OGFOD3: variants seen among roughly 807,000 people sequenced by gnomAD.
The protein encoded by OGFOD3 is 2-oxoglutarate and iron-dependent oxygenase domain-containing protein 3.
Under a neutral mutation model 39.8 loss-of-function variants are expected in OGFOD3, and 35 were observed. The ratio of observed to expected loss-of-function variants is 0.88; its 90% CI spans 0.67 to 1.17. The LOEUF is 1.17. Ranked by LOEUF, OGFOD3 falls within the 50% of genes most tolerant of loss-of-function variation. The pLI, the probability that OGFOD3 is intolerant of heterozygous loss-of-function variation, is 0.00. For missense variants in OGFOD3, 438 were observed against 454.5 expected, an observed-to-expected ratio of 0.96 and a Z score of 0.33; for synonymous variants, 200 against 192.0, an observed-to-expected ratio of 1.04 and a Z score of -0.34.
Position 82,400,594 on chromosome 17 carries a change from C to T in OGFOD3, c.700-2275G>A, listed in dbSNP as rs527927998. ...AATTCAAGAAGGAACTCTGAGATCT[C>T]AGGACTGTGGTTACCTGTAGGTGAG... is the stretch of plus-strand genomic sequence containing the variant. On this transcript the variant is annotated intron_variant, in intron 7 of 8. Coordinates refer to ENST00000313056, the MANE Select transcript of OGFOD3 (RefSeq NM_024648.3). 11 of 152,236 alleles carry T rather than the reference C, an allele frequency of 7.2e-5. No individual in the cohort carries two copies. In the East Asian group the frequency reaches 2.1e-3, roughly 29 times the overall value. 9.4% of individuals were successfully genotyped at this position (152,236 alleles called of 1,614,324 possible). A position where few individuals can be genotyped will look rare whatever the true frequency, so the allele number is the denominator to read the frequency against.
intron 4 of OGFOD3, among the ~76,000 whole-genome samples, chr17:82,407,798 C>T (rs2052878547): frequency 6.6e-6 from 1 of 152,216 alleles, no homozygotes; most frequent in African/African-American, 2.4e-5. Flanking sequence ...TACTCACTCA[C>T]AGATCTTTAA....
At chr17:82,408,957 T>G (rs148749707) in intron 4 of OGFOD3, among the ~76,000 whole-genome samples, 1 of 152,196 alleles carries the variant, frequency 6.6e-6, no homozygotes, top group African/African-American at 2.4e-5. Flanking sequence ...CAGGATGCGT[T>G]GCAGCGTGTC....
chr17:82,415,712 T>C lies in OGFOD3; in HGVS notation c.75-85A>G. ...CCCGATCATCAAAGTGCATGCACCA[T>C]GACCCGGCCTTCACTCACACGTCAC... On this transcript the variant is annotated intron_variant, in intron 1 of 8. Coordinates refer to ENST00000313056, the MANE Select transcript of OGFOD3 (RefSeq NM_024648.3). The surrounding 1 kb of genome is among the most constrained non-coding windows in gnomAD (Gnocchi z 5.3). 8 of 1,217,024 alleles carry C rather than the reference T, an allele frequency of 6.6e-6. No individual in the cohort carries two copies. In the South Asian group the frequency reaches 1.0e-4, roughly 16 times the overall value. The allele number at this position is 1,217,024 out of a possible 1,614,324, so 75.4% of individuals were successfully genotyped here. A position where few individuals can be genotyped will look rare whatever the true frequency, so the allele number is the denominator to read the frequency against.
chr17:82,413,595 C>G (rs1194598396), intron 2 of OGFOD3, among the ~76,000 whole-genome samples: 1 of 152,138 alleles, frequency 6.6e-6, no homozygotes, highest in Non-Finnish European at 1.5e-5. Flanking sequence ...AGAGGCCAGG[C>G]GCAGTGGCTC....
At chr17:82,410,710 C>CTTTTTT (rs71168106) in intron 3 of OGFOD3, among the ~76,000 whole-genome samples, 5 of 91,708 alleles carry the variant, frequency 5.5e-5, no homozygotes, top group African/African-American at 8.9e-5. Flanking sequence ...GCACATAATT[C>CTTTTTT]TTTTTTTTTT....
intron 7 of OGFOD3, among the ~76,000 whole-genome samples, chr17:82,403,354 G>T (rs115633134): frequency 6.6e-6 from 1 of 152,010 alleles, no homozygotes; most frequent in Admixed American, 6.6e-5. Flanking sequence ...TACACCCACC[G>T]GGCATGGTGG....
In OGFOD3 at chr17:82,390,355, C is replaced by T. The variant is rs1009255299; in HGVS notation, c.*2043G>A. ...GGGAGAAGCTCAAGGGCGGCCCAGG[C>T]TCAGGCGACTTCCCACCCACGATGG... On this transcript the variant is annotated 3_prime_UTR_variant, in exon 9 of 9. Transcript: ENST00000313056. The surrounding 1 kb of genome is among the most constrained non-coding windows in gnomAD (Gnocchi z 4.9). 6.6e-6 allele frequency: 1 copy of T among 152,326 alleles called. No homozygotes were observed. Among genetic ancestry groups the T allele is most frequent in the Non-Finnish European group, 1.5e-5 (1 of 68,106 alleles). 9.4% of individuals were successfully genotyped at this position (152,326 alleles called of 1,614,324 possible). A position where few individuals can be genotyped will look rare whatever the true frequency, so the allele number is the denominator to read the frequency against.
At chr17:82,397,837 C>T (rs12603802) in intron 8 of OGFOD3, among the ~76,000 whole-genome samples, 42,478 of 151,710 alleles carry the variant, frequency 0.28, 6,649 homozygotes, top group South Asian at 0.42. Context: ...TCTTAGGTTG[C>T]GAGTCTCTTT....
intron 8 of OGFOD3, among the ~76,000 whole-genome samples, chr17:82,397,487 A>G (rs72634337): frequency 0.27 from 39,831 of 145,642 alleles, 6,180 homozygotes; most frequent in South Asian, 0.41. Context: ...AGGGCTCCCA[A>G]GCCTATGCGA....
chr17:82,415,419 C>T lies in OGFOD3; in HGVS notation c.283G>A (p.Asp95Asn), dbSNP rs369006224. 118 of 1,613,756 alleles carry T rather than the reference C, an allele frequency of 7.3e-5. No individual in the cohort carries two copies. Among genetic ancestry groups the T allele is most frequent in the East Asian group, 2.2e-4 (10 of 44,880 alleles). The change falls in exon 2 of 9, where the codon GAC becomes AAC. Residue 95 changes from aspartate to asparagine, a missense_variant. By Grantham distance (23) the Asp-to-Asn change is conservative. Coordinates refer to ENST00000313056, the MANE Select transcript of OGFOD3 (RefSeq NM_024648.3). The surrounding 1 kb of genome is among the most constrained non-coding windows in gnomAD (Gnocchi z 5.3). The part of the protein sequence containing the change: ...FIEVPCSEDY[D>N]SHRRFEGCTP... ...CTACCTTCGAACCTGCGGTGACTGT[C>T]GTAGTCCTCAGAGCAGGGCACCTCG...
Position 82,415,504 on chromosome 17 carries a change from G to T in OGFOD3, c.198C>A (p.Ala66=), listed in dbSNP as rs751631941. ...TALLLWSSLG[A]DDGVAEVLAR... ...CCAGGACCTCTGCGACCCCGTCGTC[G>T]GCCCCCAAGCTGCTCCAGAGCAGGA... Residue 66 remains alanine (A), a synonymous_variant, in exon 2 of 9, where the codon GCC becomes GCA. Transcript: ENST00000313056. This position sits in a 1 kb window ranked among gnomAD's most constrained non-coding sequence, Gnocchi z 5.3. 2 of 1,613,500 alleles carry T rather than the reference G, an allele frequency of 1.2e-6. No individual in the cohort carries two copies. The highest frequency in any genetic ancestry group is 2.2e-5 in the East Asian group (1 of 44,882).
intron 4 of OGFOD3, among the ~76,000 whole-genome samples, chr17:82,409,154 A>G (rs528407522): frequency 6.6e-6 from 1 of 152,298 alleles, no homozygotes; most frequent in African/African-American, 2.4e-5. Flanking sequence ...ATGGCCACGC[A>G]CATCTAAGGA....
chr17:82,397,359 T>TAGTGGG (rs2052689484), intron 8 of OGFOD3, among the ~76,000 whole-genome samples: 1 of 47,506 alleles, frequency 2.1e-5, no homozygotes, highest in Non-Finnish European at 4.0e-5. Context: ...ACGGGTAAGG[T>TAGTGGG]AGTGGGGGGT....
chr17:82,405,292 T>G, intron 6 of OGFOD3, 32 bp downstream of exon 6: 7 of 1,443,404 alleles, frequency 4.8e-6, no homozygotes, highest in South Asian at 3.4e-5. Context: ...CCACCCCGCC[T>G]GCGAACCCCC....
rs148998477 is a variant in OGFOD3, at chr17:82,409,409, C to T, written c.382G>A (p.Val128Ile). ...CCCAGGGAGAGCCCCTTTTCAGCTACGCTGCAGGGAGAAAATAATTCAGAA... is the reference window on the plus strand; with the variant it reads ...CCCAGGGAGAGCCCCTTTTCAGCTATGCTGCAGGGAGAAAATAATTCAGAA... ...TREEAERIRS[V>I]AEKGLSLGGS... The change falls in exon 4 of 9, where the codon GTA becomes ATA. Residue 128 changes from valine (V) to isoleucine (I), a missense_variant and splice_region_variant. Coordinates refer to ENST00000313056, the MANE Select transcript of OGFOD3 (RefSeq NM_024648.3). 142 of 1,613,780 alleles carry T rather than the reference C, an allele frequency of 8.8e-5. No homozygotes were observed. The highest frequency in any genetic ancestry group is 1.1e-4 in the Non-Finnish European group (125 of 1,179,806).
intron 1 of OGFOD3, chr17:82,417,381 G>A (rs1305615052): frequency 6.6e-6 from 1 of 152,192 alleles, no homozygotes; most frequent in Non-Finnish European, 1.5e-5. Flanking sequence ...CACTTTGGGA[G>A]GCTGAGGCGG....
chr17:82,412,134 G>C (rs2052957943), intron 2 of OGFOD3, among the ~76,000 whole-genome samples: 1 of 151,652 alleles, frequency 6.6e-6, no homozygotes, highest in South Asian at 2.1e-4. Flanking sequence ...GAGACCACCA[G>C]AGTGGAGCTT....
Position 82,392,596 on chromosome 17 carries a change from G to T in OGFOD3, c.824-62C>A. 1 of 1,526,846 alleles carries T rather than the reference G, an allele frequency of 6.5e-7. No individual in the cohort carries two copies. The highest frequency in any genetic ancestry group is 8.8e-7 in the Non-Finnish European group (1 of 1,133,756). 94.6% of individuals were successfully genotyped at this position (1,526,846 alleles called of 1,614,324 possible). ...CACACCCACGGCCACAGCCTTCAGA[G>T]GGTCTGCGGTCACCTGAAAGAGCAA... On this transcript the variant is annotated intron_variant, in intron 8 of 8. Coordinates refer to ENST00000313056, the MANE Select transcript of OGFOD3 (RefSeq NM_024648.3). This position sits in a 1 kb window ranked among gnomAD's most constrained non-coding sequence, Gnocchi z 4.2.
Position 82,415,826 on chromosome 17 carries a change from A to G in OGFOD3, c.75-199T>C, listed in dbSNP as rs947565161. ...CTCCCTTTCCCTTCAGGGATCTCCA[A>G]TACACACTAACTGCCTTCTGAGCCC... On this transcript the variant is annotated intron_variant, in intron 1 of 8. Transcript: ENST00000313056. The surrounding 1 kb of genome is among the most constrained non-coding windows in gnomAD (Gnocchi z 5.3). Among the ~76,000 whole-genome samples, 8 of 151,756 alleles carry G rather than the reference A, an allele frequency of 5.3e-5. No individual in the cohort carries two copies. The highest frequency in any genetic ancestry group is 1.9e-4 in the African/African-American group (8 of 41,246).
Sources: allele counts gnomAD v4.1 joint callset (sites outside exome capture counted in the v4.1 genomes callset), GRCh38; gene constraint gnomAD v4.1.1; non-coding constraint Gnocchi (gnomAD v3.1); transcripts MANE v1.5; gene names NCBI Gene and HGNC (gene_info 2026-07-23, HGNC 2026-07-21).